Variants in TAFA1 observed in about 807,000 individuals in gnomAD.
TAFA1 encodes the protein TAFA chemokine like family member 1.
Under a neutral mutation model 18.5 loss-of-function variants are expected in TAFA1, and 4 were observed. The observed-to-expected ratio is 0.22, with a 90% CI of 0.11 to 0.49. TAFA1 has a LOEUF of 0.49. Among genes scored for constraint, TAFA1 ranks in the 20% least tolerant of loss-of-function variants. The pLI is 0.98. For synonymous variants in TAFA1, 56 were observed against 55.2 expected (o/e 1.01, Z -0.06); for missense variants, 147 against 169.0 (o/e 0.87, Z 0.72).
intron 2 of TAFA1, among the ~76,000 whole-genome samples, chr3:68,204,016 C>A (rs564462360): frequency 4.0e-5 from 6 of 150,280 alleles, no homozygotes; most frequent in Non-Finnish European, 7.4e-5. Context: ...CTACACCAAC[C>A]CTTCAGCAAT....
Position 68,141,015 on chromosome 3 carries a change from G to A in TAFA1, c.118+134271G>A, listed in dbSNP as rs146856483. Among the ~76,000 whole-genome samples, 4 of 152,290 alleles carry A rather than the reference G, an allele frequency of 2.6e-5. No individual in the cohort carries two copies. In the East Asian group the frequency reaches 7.7e-4, roughly 29 times the overall value. ...ACCTGAGTTAGAGAATGACATGGCA[G>A]AAATTTTCTAGAATGAATACAAATT... is the stretch of plus-strand genomic sequence containing the variant. On this transcript the variant is annotated intron_variant, in intron 2 of 4. Transcript: ENST00000478136.
intron 2 of TAFA1, among the ~76,000 whole-genome samples, chr3:68,286,522 C>A (rs983218105): frequency 1.3e-5 from 2 of 151,932 alleles, no homozygotes; most frequent in Admixed American, 1.3e-4. Context: ...AGAGAGTAGA[C>A]AAAGGAACTA....
At chr3:68,362,773 A>T (rs756168513) in intron 2 of TAFA1, among the ~76,000 whole-genome samples, 16 of 152,076 alleles carry the variant, frequency 1.1e-4, no homozygotes, top group Admixed American at 1.0e-3. Flanking sequence ...TTGGTGGATG[A>T]TATCACTCAC....
At chr3:68,169,260 G>A (rs756160360) in intron 2 of TAFA1, among the ~76,000 whole-genome samples, 39 of 152,228 alleles carry the variant, frequency 2.6e-4, no homozygotes, top group Non-Finnish European at 5.0e-4. Flanking sequence ...GACGGTACGG[G>A]CTGCTATGTC....
chr3:68,082,424 A>G (rs1184722688), intron 2 of TAFA1, among the ~76,000 whole-genome samples: 2 of 152,202 alleles, frequency 1.3e-5, no homozygotes, highest in Admixed American at 6.5e-5. Context: ...GCACATCAAC[A>G]TAGGGTTATA....
chr3:68,081,115 G>A lies in TAFA1; in HGVS notation c.118+74371G>A, dbSNP rs375335042. Among the ~76,000 whole-genome samples the A allele has an allele frequency of 1.2e-3, 179 of 152,084 alleles. 1 individual carries two copies. In the South Asian group the frequency reaches 0.023, roughly 19 times the overall value. ...TCCAGTTGATCGCATCGGCTCCTGG[G>A]GCTTCTGCATTCTTCACGTAGTTCT... On this transcript the variant is annotated intron_variant, in intron 2 of 4. Transcript: ENST00000478136.
At chr3:68,091,406 A>C (rs1044606022) in intron 2 of TAFA1, among the ~76,000 whole-genome samples, 4 of 152,140 alleles carry the variant, frequency 2.6e-5, no homozygotes, top group African/African-American at 7.2e-5. Context: ...ATCCATTCTC[A>C]CTTCTCCAGT....
At chr3:68,079,620 G>C (rs2064871214) in intron 2 of TAFA1, among the ~76,000 whole-genome samples, 1 of 152,130 alleles carries the variant, frequency 6.6e-6, no homozygotes, top group African/African-American at 2.4e-5. Flanking sequence ...TAGTTGAGCG[G>C]TTTTGAGTGA....
chr3:68,293,288 T>G (rs2068146185), intron 2 of TAFA1, among the ~76,000 whole-genome samples: 1 of 152,136 alleles, frequency 6.6e-6, no homozygotes, highest in African/African-American at 2.4e-5. Flanking sequence ...AGATTAAGAA[T>G]CTCTCTAGAT....
In TAFA1 at chr3:68,479,241, A is replaced by AAAAAATAT. The variant is rs1353493315; in HGVS notation, c.260-59514_260-59513insAAAATATA. Among the ~76,000 whole-genome samples, 37 of 123,658 alleles carry AAAAAATAT rather than the reference A, an allele frequency of 3.0e-4. 1 individual carries two copies. The highest frequency in any genetic ancestry group is 8.3e-4 in the African/African-American group (23 of 27,758). The allele number at this position is 123,658 out of a possible 152,430, so 81.1% of individuals were successfully genotyped here. ...TGAGACTCCATCTCAAAAAAAAAAA[A>AAAAAATAT]ATATATATATATATATATATATGTC... On this transcript the variant is annotated intron_variant, in intron 3 of 4. Transcript: ENST00000478136.
At chr3:68,246,446 C>T (rs1457894361) in intron 2 of TAFA1, among the ~76,000 whole-genome samples, 18 of 151,434 alleles carry the variant, frequency 1.2e-4, no homozygotes, top group African/African-American at 4.1e-4. Context: ...AAAAATTAGC[C>T]GGGCGTGGTG....
chr3:68,164,661 G>GTGTGT (rs57966288), intron 2 of TAFA1, among the ~76,000 whole-genome samples: 3 of 151,138 alleles, frequency 2.0e-5, no homozygotes, highest in Non-Finnish European at 4.4e-5. Flanking sequence ...GTGTGTGTGT[G>GTGTGT]GGAGGTAGTT....
intron 2 of TAFA1, among the ~76,000 whole-genome samples, chr3:68,220,781 C>T (rs1327807098): frequency 6.6e-6 from 1 of 152,104 alleles, no homozygotes; most frequent in Non-Finnish European, 1.5e-5. Flanking sequence ...AATATTCCTT[C>T]ATCATTTTCT....
rs953583952 is a variant in TAFA1, at chr3:68,115,815, G to A, written c.118+109071G>A. On this transcript the variant is annotated intron_variant, in intron 2 of 4. Transcript: ENST00000478136. ...TGATTGTTTATCTAATTCAAAGCCT[G>A]CTCAATGTAACTAGGGATGAATTAG... Among the ~76,000 whole-genome samples, 3 of 152,142 alleles carry A rather than the reference G, an allele frequency of 2.0e-5. No individual in the cohort carries two copies. The East Asian group carries it at 5.8e-4, about 29-fold the overall frequency.
In TAFA1 at chr3:68,271,239, C is replaced by A. The variant is rs77398490; in HGVS notation, c.119-146041C>A. Reference sequence around the variant, plus strand: ...GATGACCATTAGCCACTCCTCCAGGCCTATTTTCCTCCAGGTCATTCATTC... The same window carrying A: ...GATGACCATTAGCCACTCCTCCAGGACTATTTTCCTCCAGGTCATTCATTC... On this transcript the variant is annotated intron_variant, in intron 2 of 4. Coordinates refer to ENST00000478136, the MANE Select transcript of TAFA1 (RefSeq NM_213609.4). 9.2e-3 allele frequency among the ~76,000 whole-genome samples: 1,407 copies of A among 152,168 alleles called. 21 individuals carry two copies. Among genetic ancestry groups the A allele is most frequent in the African/African-American group, 0.032 (1,348 of 41,524 alleles).
At chr3:68,123,578 G>T (rs1559528934) in intron 2 of TAFA1, among the ~76,000 whole-genome samples, 1 of 152,188 alleles carries the variant, frequency 6.6e-6, no homozygotes, top group African/African-American at 2.4e-5. Flanking sequence ...GAGATGGTCT[G>T]CCCTTGATAG....
At chr3:68,011,760 C>A (rs1277102883) in intron 2 of TAFA1, among the ~76,000 whole-genome samples, 1 of 152,290 alleles carries the variant, frequency 6.6e-6, no homozygotes, top group African/African-American at 2.4e-5. Context: ...TCGGTGCAAG[C>A]TGGTGCTTAG....
intron 3 of TAFA1, among the ~76,000 whole-genome samples, chr3:68,422,331 C>T (rs2070971316): frequency 6.6e-6 from 1 of 152,022 alleles, no homozygotes; most frequent in Non-Finnish European, 1.5e-5. Flanking sequence ...ATCTCAGTTC[C>T]CTAGGAATAG....
intron 2 of TAFA1, among the ~76,000 whole-genome samples, chr3:68,073,794 T>A (rs2106754687): frequency 6.6e-6 from 1 of 152,102 alleles, no homozygotes; most frequent in Non-Finnish European, 1.5e-5. Context: ...GTAGTAATGA[T>A]GATGGTGATG....
Sources: allele counts gnomAD v4.1 joint callset (sites outside exome capture counted in the v4.1 genomes callset), GRCh38; gene constraint gnomAD v4.1.1; transcripts MANE v1.5; gene names NCBI Gene and HGNC (gene_info 2026-07-23, HGNC 2026-07-21).